ROBO3: variants seen among roughly 807,000 people sequenced by gnomAD.
ROBO3 encodes the protein roundabout guidance receptor 3, also known as roundabout homolog 3.
In ROBO3, 97 loss-of-function variants were observed where a neutral mutation model predicts 160.5. That is an observed-to-expected ratio of 0.60 (90% confidence interval 0.51 to 0.72). The LOEUF (loss-of-function observed/expected upper bound fraction) is 0.72, where lower values mean the gene tolerates loss of function less well. Ranked by LOEUF, ROBO3 falls within the 30% of genes least tolerant of loss-of-function variation. The pLI is 0.00. For synonymous variants in ROBO3, 780 were observed against 746.2 expected, an observed-to-expected ratio of 1.05 and a Z score of -0.74; for missense variants, 1,858 against 1,846.5, an observed-to-expected ratio of 1.01 and a Z score of -0.11.
chr11:124,875,234 G>C lies in ROBO3; in HGVS notation c.2197G>C (p.Gly733Arg). The change falls in exon 14 of 28, where the codon GGA becomes CGA. Residue 733 changes from glycine (G) to arginine (R), a missense_variant. Coordinates refer to ENST00000397801, the MANE Select transcript of ROBO3 (RefSeq NM_022370.4). ...SPSQQSTVLRGLPPGTQIQIK... is the reference protein window; with the variant it reads ...SPSQQSTVLRRLPPGTQIQIK... ...AAGCCAGCAAAGTACTGTGCTAAGA[G>C]GACTCCCTCCAGGGACCCAAATCCA... 1 of 1,613,850 alleles carries C rather than the reference G, an allele frequency of 6.2e-7. No individual in the cohort carries two copies. The highest frequency in any genetic ancestry group is 1.7e-4 in the Middle Eastern group (1 of 6,012).
Position 124,870,082 on chromosome 11 carries a change from A to C in ROBO3, c.766+14A>C, listed in dbSNP as rs771382122. 2 of 1,613,936 alleles carry C rather than the reference A, an allele frequency of 1.2e-6. No individual in the cohort carries two copies. The highest frequency in any genetic ancestry group is 1.7e-6 in the Non-Finnish European group (2 of 1,179,826). The stretch of plus-strand genomic sequence containing the variant: ...TCATGGTACTGGGTAGGCACAGGGA[A>C]TTTTGACATTATGGGAACAGGTAGC... On this transcript the variant is annotated intron_variant, in intron 4 of 27. Coordinates refer to ENST00000397801, the MANE Select transcript of ROBO3 (RefSeq NM_022370.4).
In ROBO3 at chr11:124,880,525, A is replaced by G. The variant is rs1270372262; in HGVS notation, c.4066A>G (p.Arg1356Gly). The change falls in exon 27 of 28, where the codon AGG becomes GGG. Residue 1356 changes from arginine (R) to glycine (G), a missense_variant. Arg to Gly is a moderately radical substitution (Grantham distance 125). Coordinates refer to ENST00000397801, the MANE Select transcript of ROBO3 (RefSeq NM_022370.4). ...SNSSRGSSSS[R>G]GSRGPGRSRS... ...CTCTTCCAGGGGCTCCAGCAGCTCT[A>G]GGGGCTCCCGGGGCCCTGGCCGGAG... is the stretch of plus-strand genomic sequence containing the variant. 6.3e-7 allele frequency: 1 copy of G among 1,574,910 alleles called. No individual in the cohort carries two copies. Among genetic ancestry groups the G allele is most frequent in the Non-Finnish European group, 8.6e-7 (1 of 1,159,582 alleles).
intron 15 of ROBO3, 55 bp from the exon 16 acceptor site, chr11:124,875,899 C>A (rs1278225056): frequency 4.4e-5 from 68 of 1,553,750 alleles, no homozygotes; most frequent in Non-Finnish European, 5.2e-5. Context: ...TTAAGTTTCC[C>A]GGTGAGGCTA....
chr11:124,870,833 T>C lies in ROBO3; in HGVS notation c.1033+105T>C. 5 of 1,541,030 alleles carry C rather than the reference T, an allele frequency of 3.2e-6. No individual in the cohort carries two copies. In the South Asian group the frequency reaches 6.1e-5, roughly 19 times the overall value. On this transcript the variant is annotated intron_variant, in intron 6 of 27. Coordinates refer to ENST00000397801, the MANE Select transcript of ROBO3 (RefSeq NM_022370.4). ...GAAAGGGCAGAGAAGGGCATGTGGA[T>C]GGAACACCTGAGACTTCTGCAAGGA... is the stretch of plus-strand genomic sequence containing the variant.
Position 124,873,303 on chromosome 11 carries a change from C to T in ROBO3, c.1537-7C>T. The T allele has an allele frequency of 1.2e-6, 2 of 1,605,872 alleles. No homozygotes were observed. The highest frequency in any genetic ancestry group is 1.7e-5 in the Admixed American group (1 of 58,832). Reference sequence around the variant, plus strand: ...TCAGTTTGCCAGTGCTCTGCCCTCTCTTCCAGGAGATGGACATGGGCTTCT... The same window carrying T: ...TCAGTTTGCCAGTGCTCTGCCCTCTTTTCCAGGAGATGGACATGGGCTTCT... On this transcript the variant is annotated splice_region_variant and splice_polypyrimidine_tract_variant and intron_variant, in intron 9 of 27. Coordinates refer to ENST00000397801, the MANE Select transcript of ROBO3 (RefSeq NM_022370.4). This position sits in a 1 kb window ranked among gnomAD's most constrained non-coding sequence, Gnocchi z 4.5.
At chr11:124,877,390 A>T (rs1361321939) in intron 19 of ROBO3, 81 bp downstream of exon 19, 19 of 1,591,664 alleles carry the variant, frequency 1.2e-5, no homozygotes, top group Non-Finnish European at 1.6e-5. Flanking sequence ...CCCCAGGTGG[A>T]GGGAGCATGG....
chr11:124,871,197 C>T, intron 7 of ROBO3, 59 bp downstream of exon 7: 1 of 1,542,482 alleles, frequency 6.5e-7, no homozygotes, highest in Non-Finnish European at 8.8e-7. Context: ...CAGCCTCCCT[C>T]CCTCTACATT....
chr11:124,872,940 G>A lies in ROBO3; in HGVS notation c.1387G>A (p.Val463Met), dbSNP rs2135329556. The change falls in exon 9 of 28, where the codon GTG becomes ATG. Residue 463 changes from valine (V) to methionine (M), a missense_variant. Transcript: ENST00000397801. This position sits in a 1 kb window ranked among gnomAD's most constrained non-coding sequence, Gnocchi z 4.3. ...CCAGGGACCAGCCAATCAGACGCTG[G>A]TGCTTGGCTCCTCCGTGTGGCTGCC... ...ILQGPANQTLVLGSSVWLPCR... is the reference protein window; with the variant it reads ...ILQGPANQTLMLGSSVWLPCR... The A allele has an allele frequency of 6.2e-7, 1 of 1,612,806 alleles. No individual in the cohort carries two copies.
chr11:124,877,453 C>A, intron 19 of ROBO3, 66 bp from the exon 20 acceptor site: 1 of 1,598,792 alleles, frequency 6.3e-7, no homozygotes, highest in Non-Finnish European at 8.5e-7. Flanking sequence ...CGAATATCGC[C>A]ACCTCCCTTT....
chr11:124,878,432 G>T lies in ROBO3; in HGVS notation c.3316G>T (p.Gly1106Cys). The change falls in exon 22 of 28, where the codon GGC (glycine) becomes TGC (cysteine). Residue 1106 changes from glycine to cysteine, a missense_variant. Physicochemically the swap from Gly to Cys is radical, Grantham distance 159 (BLOSUM62 -3). Transcript: ENST00000397801. This position sits in a 1 kb window ranked among gnomAD's most constrained non-coding sequence, Gnocchi z 4.3. Reference protein sequence around the residue: ...CLEGPEEELEGSSEPEEWCPP... With the variant: ...CLEGPEEELECSSEPEEWCPP... ...AGAAGGGCCGGAGGAGGAGCTGGAG[G>T]GCAGGTAGAGATGCTCCCTGCTTCC... 1 of 1,612,722 alleles carries T rather than the reference G, an allele frequency of 6.2e-7. No homozygotes were observed. Among genetic ancestry groups the T allele is most frequent in the Non-Finnish European group, 8.5e-7 (1 of 1,179,104 alleles).
In ROBO3 at chr11:124,865,999, C is replaced by T. The variant is rs1174779502; in HGVS notation, c.160+262C>T. Among the ~76,000 whole-genome samples, 3 of 152,288 alleles carry T rather than the reference C, an allele frequency of 2.0e-5. No individual in the cohort carries two copies. The highest frequency in any genetic ancestry group is 2.0e-4 in the Admixed American group (3 of 15,304). ...CTTCCCTTCCCCTACAACGCCCACC[C>T]CAGGTGAGAAGAACCGTTGCTGGTA... On this transcript the variant is annotated intron_variant, in intron 1 of 27. Transcript: ENST00000397801. The surrounding 1 kb of genome is among the most constrained non-coding windows in gnomAD (Gnocchi z 5.5).
In ROBO3 at chr11:124,869,746, G is replaced by C; in HGVS notation, c.645+139G>C. 1 of 1,268,068 alleles carries C rather than the reference G, an allele frequency of 7.9e-7. No individual in the cohort carries two copies. The highest frequency in any genetic ancestry group is 1.1e-6 in the Non-Finnish European group (1 of 925,158). The allele number at this position is 1,268,068 out of a possible 1,614,324, so 78.6% of individuals were successfully genotyped here. ...CTATACAGTGAGGGATAAGGAAGAC[G>C]GAATTGGTATAAAAAAGGGGCGGGG... is the stretch of plus-strand genomic sequence containing the variant. On this transcript the variant is annotated intron_variant, in intron 3 of 27. Coordinates refer to ENST00000397801, the MANE Select transcript of ROBO3 (RefSeq NM_022370.4). This position sits in a 1 kb window ranked among gnomAD's most constrained non-coding sequence, Gnocchi z 4.2.
chr11:124,868,439 A>C, intron 1 of ROBO3: 2 of 567,868 alleles, frequency 3.5e-6, no homozygotes. Context: ...GATGGAAACC[A>C]CTGGGCAGGA....
chr11:124,868,746 C>T (rs1427845350), intron 1 of ROBO3, 56 bp from the exon 2 acceptor site: 1 of 1,511,682 alleles, frequency 6.6e-7, no homozygotes, highest in Admixed American at 1.9e-5. Context: ...TCTGGAGCCT[C>T]AATCTCTCCC....
At chr11:124,881,100 G>A in intron 27 of ROBO3, 139 bp from the exon 28 acceptor site, 1 of 770,762 alleles carries the variant, frequency 1.3e-6, no homozygotes, top group Admixed American at 2.4e-5. Flanking sequence ...CAAGGGGTGA[G>A]GACAAGATGA....
In ROBO3 at chr11:124,868,892, C is replaced by T; in HGVS notation, c.251C>T (p.Pro84Leu). 1.2e-6 allele frequency: 2 copies of T among 1,608,472 alleles called. No homozygotes were observed. Among genetic ancestry groups the T allele is most frequent in the Non-Finnish European group, 8.5e-7 (1 of 1,178,082 alleles). The change falls in exon 2 of 28, where the codon CCC (proline) becomes CTC (leucine). Residue 84 changes from proline to leucine, a missense_variant. Coordinates refer to ENST00000397801, the MANE Select transcript of ROBO3 (RefSeq NM_022370.4). ...TCCCGAGGCGAGCCCGCCACGTTGC[C>T]CTGCCGCGCTGAAGGCCGACCCCGA... ...LVSRGEPATL[P>L]CRAEGRPRPN...
Position 124,872,536 on chromosome 11 carries a change from G to T in ROBO3, c.1314G>T (p.Leu438=). 1 of 1,613,526 alleles carries T rather than the reference G, an allele frequency of 6.2e-7. No homozygotes were observed. The highest frequency in any genetic ancestry group is 2.2e-5 in the East Asian group (1 of 44,878). ...CTGGCAGCATCCTGGCCAAGGCCCTGCTGGAGATAAAAGGAGGTACGTGCC... is the reference window on the plus strand; with the variant it reads ...CTGGCAGCATCCTGGCCAAGGCCCTTCTGGAGATAAAAGGAGGTACGTGCC... The part of the protein sequence containing the change: ...SVAGSILAKA[L]LEIKGASLDG... Residue 438 remains leucine, a synonymous_variant, in exon 8 of 28, where the codon CTG becomes CTT. Coordinates refer to ENST00000397801, the MANE Select transcript of ROBO3 (RefSeq NM_022370.4). This position sits in a 1 kb window ranked among gnomAD's most constrained non-coding sequence, Gnocchi z 4.3.
intron 14 of ROBO3, 31 bp from the exon 15 acceptor site, chr11:124,875,533 G>A (rs763338735): frequency 1.9e-6 from 3 of 1,609,808 alleles, no homozygotes; most frequent in South Asian, 1.1e-5. Context: ...GACTATTTGT[G>A]TCCTTCTCAC....
intron 19 of ROBO3, 75 bp from the exon 20 acceptor site, chr11:124,877,444 G>T: frequency 6.3e-7 from 1 of 1,597,090 alleles, no homozygotes; most frequent in South Asian, 1.1e-5. Flanking sequence ...TGAAACTCCC[G>T]AATATCGCCA....
Sources: allele counts gnomAD v4.1 joint callset (sites outside exome capture counted in the v4.1 genomes callset), GRCh38; gene constraint gnomAD v4.1.1; non-coding constraint Gnocchi (gnomAD v3.1); transcripts MANE v1.5; gene names NCBI Gene and HGNC (gene_info 2026-07-23, HGNC 2026-07-21).